Variants in SP140 observed in about 807,000 individuals in gnomAD.
The protein encoded by SP140 is nuclear body protein SP140.
A neutral mutation model predicts 125.0 loss-of-function variants in SP140; 81 were observed. The ratio of observed to expected loss-of-function variants is 0.65; its 90% CI spans 0.54 to 0.78. The LOEUF (loss-of-function observed/expected upper bound fraction) is 0.78, where lower values mean the gene tolerates loss of function less well. SP140 is among the 30% of genes least tolerant of loss of function. The pLI is 0.00. For missense variants in SP140, 858 were observed against 1,037.0 expected, an observed-to-expected ratio of 0.83 and a Z score of 2.37; for synonymous variants, 312 against 354.0, an observed-to-expected ratio of 0.88 and a Z score of 1.33.
chr2:230,205,274 C>T (rs969108826), intron 1 of SP140, among the ~76,000 whole-genome samples: 1 of 152,152 alleles, frequency 6.6e-6, no homozygotes, highest in Non-Finnish European at 1.5e-5. Context: ...TGAAACCCTA[C>T]ATAATCTGAT....
downstream of SP140, among the ~76,000 whole-genome samples, chr2:230,314,557 G>A (rs1375273039): frequency 6.6e-6 from 1 of 152,192 alleles, no homozygotes; most frequent in Non-Finnish European, 1.5e-5. Context: ...TATACTCCTG[G>A]GTGGCTCCTA....
intron 22 of SP140, among the ~76,000 whole-genome samples, chr2:230,305,232 A>G (rs889894387): frequency 1.0e-3 from 159 of 152,282 alleles, no homozygotes; most frequent in African/African-American, 3.7e-3. Context: ...AAGAATGGCC[A>G]TAACTTAAAG....
intron 19 of SP140, 73 bp downstream of exon 19, chr2:230,290,637 G>A: frequency 1.6e-6 from 2 of 1,233,356 alleles, no homozygotes; most frequent in Non-Finnish European, 2.3e-6. Flanking sequence ...ATTATCATGT[G>A]AATTACACAT....
chr2:230,260,310 T>C (rs2052013093), intron 12 of SP140, among the ~76,000 whole-genome samples: 1 of 152,204 alleles, frequency 6.6e-6, no homozygotes, highest in Admixed American at 6.5e-5. Flanking sequence ...TCTTACTGAT[T>C]TGTTTAAGTT....
the SP140 span, among the ~76,000 whole-genome samples, chr2:230,197,828 C>A: frequency 6.6e-6 from 1 of 152,076 alleles, no homozygotes; most frequent in Non-Finnish European, 1.5e-5. Flanking sequence ...TTTTCTTTTT[C>A]TTTGTTTTGA....
intron 14 of SP140, 117 bp from the exon 15 acceptor site, chr2:230,270,469 G>A (rs1284262221): frequency 7.5e-6 from 8 of 1,062,890 alleles, no homozygotes; most frequent in Non-Finnish European, 1.1e-5. Flanking sequence ...AAGAAAGAGA[G>A]GAATGATTAT....
Position 230,237,426 on chromosome 2 carries a change from T to G in SP140, c.237+166T>G. On this transcript the variant is annotated intron_variant, in intron 2 of 26. Coordinates refer to ENST00000392045, the MANE Select transcript of SP140 (RefSeq NM_007237.5). This position sits in a 1 kb window ranked among gnomAD's most constrained non-coding sequence, Gnocchi z 5.4. ...AGGCATCACAGAAAACCTCCCTTCTTCTGTAGTAAATGTTGGGGGAGGGCC... is the reference window on the plus strand; with the variant it reads ...AGGCATCACAGAAAACCTCCCTTCTGCTGTAGTAAATGTTGGGGGAGGGCC... 1 of 593,324 alleles carries G rather than the reference T, an allele frequency of 1.7e-6. No homozygotes were observed. Among genetic ancestry groups the G allele is most frequent in the Non-Finnish European group, 2.9e-6 (1 of 346,176 alleles). 36.8% of individuals were successfully genotyped at this position (593,324 alleles called of 1,614,324 possible). A position where few individuals can be genotyped will look rare whatever the true frequency, so the allele number is the denominator to read the frequency against.
intron 18 of SP140, among the ~76,000 whole-genome samples, chr2:230,288,308 G>T (rs2056656768): frequency 6.6e-6 from 1 of 152,194 alleles, no homozygotes; most frequent in African/African-American, 2.4e-5. Context: ...GAAAGCCACA[G>T]GTTGCACACT....
At chr2:230,276,834 G>A (rs1003218826) in intron 15 of SP140, among the ~76,000 whole-genome samples, 4 of 152,116 alleles carry the variant, frequency 2.6e-5, no homozygotes, top group Non-Finnish European at 5.9e-5. Flanking sequence ...TACAATCCTC[G>A]TGGATGACTT....
chr2:230,261,734 T>G (rs2052285558), intron 12 of SP140, among the ~76,000 whole-genome samples: 1 of 152,230 alleles, frequency 6.6e-6, no homozygotes, highest in African/African-American at 2.4e-5. Flanking sequence ...TTTTTAATTC[T>G]GTTTATGTGG....
At chr2:230,296,014 G>A (rs1184926351) in intron 21 of SP140, among the ~76,000 whole-genome samples, 1 of 151,582 alleles carries the variant, frequency 6.6e-6, no homozygotes, top group African/African-American at 2.4e-5. Context: ...TGAGATGGGA[G>A]AATCATTGGA....
the SP140 span, among the ~76,000 whole-genome samples, chr2:230,189,777 AGT>A: frequency 2.6e-5 from 4 of 152,102 alleles, no homozygotes; most frequent in Non-Finnish European, 5.9e-5. Flanking sequence ...CCCACTTATG[AGT>A]GAGAACATGC....
chr2:230,306,406 G>A (rs148714836), intron 22 of SP140, among the ~76,000 whole-genome samples: 151 of 152,330 alleles, frequency 9.9e-4, no homozygotes, highest in Admixed American at 2.5e-3. Flanking sequence ...GGCTGAGGCC[G>A]CCCCACTCTG....
At position 230,291,721 on chromosome 2, in the gene SP140, T is replaced by G. The variant is rs954291212; in HGVS notation, c.1826-925T>G. Among the ~76,000 whole-genome samples the G allele has an allele frequency of 2.0e-5, 3 of 152,372 alleles. No individual in the cohort carries two copies. The South Asian group carries it at 6.2e-4, about 32-fold the overall frequency. ...TATAAATAATGCTGTTCTGAACATT[T>G]GTGTAACAAGTTTTGTGTGAACATA... is the stretch of plus-strand genomic sequence containing the variant. On this transcript the variant is annotated intron_variant, in intron 19 of 26. Coordinates refer to ENST00000392045, the MANE Select transcript of SP140 (RefSeq NM_007237.5).
rs574165582 is a variant in SP140, at chr2:230,260,805, A to G, written c.1240+5273A>G. On this transcript the variant is annotated intron_variant, in intron 12 of 26. Coordinates refer to ENST00000392045, the MANE Select transcript of SP140 (RefSeq NM_007237.5). ...TGTTCTGTTTCATTGGTCTACGTCT[A>G]TTTTTGTACCAGTACCACTCTGTTT... is the stretch of plus-strand genomic sequence containing the variant. 3.9e-5 allele frequency among the ~76,000 whole-genome samples: 6 copies of G among 152,112 alleles called. No individual in the cohort carries two copies. The South Asian group carries it at 1.2e-3, about 32-fold the overall frequency.
intron 15 of SP140, among the ~76,000 whole-genome samples, chr2:230,282,780 G>A (rs556764250): frequency 6.6e-6 from 1 of 152,350 alleles, no homozygotes; most frequent in East Asian, 1.9e-4. Flanking sequence ...GGCACACGTG[G>A]TGCTCCCAGA....
intron 21 of SP140, among the ~76,000 whole-genome samples, chr2:230,296,040 A>T (rs567667557): frequency 6.6e-6 from 1 of 151,798 alleles, no homozygotes; most frequent in African/African-American, 2.4e-5. Flanking sequence ...GGAATTTGAG[A>T]CCAACCTGAG....
At chr2:230,234,578 A>T (rs952596357) in intron 1 of SP140, among the ~76,000 whole-genome samples, 2 of 152,114 alleles carry the variant, frequency 1.3e-5, no homozygotes, top group African/African-American at 4.8e-5. Context: ...TTTTTTTAGT[A>T]GTTTCCTCTT....
chr2:230,193,723 A>G, the SP140 span, among the ~76,000 whole-genome samples: 47 of 152,170 alleles, frequency 3.1e-4, no homozygotes, highest in Non-Finnish European at 2.9e-4. Flanking sequence ...CTGAGGAATC[A>G]TGTATTTTTC....
Sources: gnomAD v4.1 joint callset for allele counts (sites outside exome capture counted in the v4.1 genomes callset) on GRCh38, gnomAD v4.1.1 for gene constraint, Gnocchi (gnomAD v3.1) non-coding constraint, MANE v1.5 for transcripts, NCBI Gene and HGNC (gene_info 2026-07-23, HGNC 2026-07-21) for gene names.